The following ATP8A2 variants were observed in gnomAD, a reference collection of about 807,000 sequenced individuals.
The protein encoded by ATP8A2 is phospholipid-transporting ATPase IB.
In ATP8A2, 100 loss-of-function variants were observed where a neutral mutation model predicts 165.6. That is an observed-to-expected ratio of 0.60 (90% CI 0.51 to 0.71). The LOEUF (loss-of-function observed/expected upper bound fraction) is 0.71, where lower values mean the gene tolerates loss of function less well. Ranked by LOEUF, ATP8A2 falls within the 30% of genes least tolerant of loss-of-function variation. The pLI is 0.00. For synonymous variants in ATP8A2, 543 were observed against 548.8 expected (o/e 0.99, Z 0.15); for missense variants, 1,227 against 1,479.5 (o/e 0.83, Z 2.80).
chr13:25,815,577 A>G (rs1252515890), intron 27 of ATP8A2, among the ~76,000 whole-genome samples: 1 of 152,212 alleles, frequency 6.6e-6, no homozygotes, highest in Non-Finnish European at 1.5e-5. Context: ...ACTCTTGTGT[A>G]TTGCTGCTGG....
At chr13:25,482,589 A>G (rs547908616) in intron 2 of ATP8A2, among the ~76,000 whole-genome samples, 1 of 152,262 alleles carries the variant, frequency 6.6e-6, no homozygotes, top group Non-Finnish European at 1.5e-5. Flanking sequence ...TGGAAGAAGA[A>G]GGTGATGTGG....
chr13:25,617,078 T>G (rs561378766), intron 24 of ATP8A2, among the ~76,000 whole-genome samples: 1 of 152,338 alleles, frequency 6.6e-6, no homozygotes, highest in African/African-American at 2.4e-5. Flanking sequence ...ACTGTAAAGT[T>G]TAATTACAGT....
chr13:25,932,677 A>T (rs17082879), intron 33 of ATP8A2, among the ~76,000 whole-genome samples: 5 of 152,206 alleles, frequency 3.3e-5, no homozygotes, highest in Non-Finnish European at 7.3e-5. Context: ...TTATTCAATT[A>T]GGTATGCTTA....
chr13:25,956,101 A>G (rs1955512139), intron 33 of ATP8A2, among the ~76,000 whole-genome samples: 1 of 152,130 alleles, frequency 6.6e-6, no homozygotes, highest in Non-Finnish European at 1.5e-5. Flanking sequence ...CTCTCAATAA[A>G]CTAGGTATTG....
chr13:25,531,092 CCT>C (rs1446274467), intron 4 of ATP8A2, among the ~76,000 whole-genome samples: 2 of 149,456 alleles, frequency 1.3e-5, no homozygotes, highest in African/African-American at 4.9e-5. Flanking sequence ...ATTCCTTTTC[CCT>C]GTCTTTCTTG....
chr13:25,824,339 A>G (rs1951256867), intron 27 of ATP8A2, among the ~76,000 whole-genome samples: 3 of 151,962 alleles, frequency 2.0e-5, no homozygotes, highest in South Asian at 2.1e-4. Context: ...ACCTCTTCCT[A>G]TTTGTCTCTT....
intron 24 of ATP8A2, among the ~76,000 whole-genome samples, chr13:25,641,568 G>A (rs2041522978): frequency 6.6e-6 from 1 of 152,118 alleles, no homozygotes; most frequent in African/African-American, 2.4e-5. Context: ...ACCTCTTCAA[G>A]GAGAACTACA....
chr13:25,661,598 G>T (rs987453282), intron 24 of ATP8A2, among the ~76,000 whole-genome samples: 1 of 152,168 alleles, frequency 6.6e-6, no homozygotes, highest in African/African-American at 2.4e-5. Context: ...ACTTAAGAAG[G>T]ATTAAAACCA....
intron 33 of ATP8A2, among the ~76,000 whole-genome samples, chr13:25,951,930 AG>A (rs1367223475): frequency 6.6e-6 from 1 of 152,202 alleles, no homozygotes; most frequent in Non-Finnish European, 1.5e-5. Context: ...TGCAGGTGAC[AG>A]GGATGTTAAG....
intron 1 of ATP8A2, among the ~76,000 whole-genome samples, chr13:25,420,543 G>A (rs1478239149): frequency 6.6e-6 from 1 of 152,202 alleles, no homozygotes; most frequent in African/African-American, 2.4e-5. Context: ...GGTGATAATT[G>A]AAATGAGCTT....
chr13:25,876,114 A>G (rs920719899), intron 33 of ATP8A2, among the ~76,000 whole-genome samples: 2 of 152,208 alleles, frequency 1.3e-5, no homozygotes, highest in Non-Finnish European at 2.9e-5. Flanking sequence ...CCAGCCTCCA[A>G]TAAATCTGGG....
rs557845971 is a variant in ATP8A2, at chr13:25,726,488, G to C, written c.2384+27143G>C. ...CAGCTCCTAGTAGATGCTGGATTCT[G>C]ATGGCTTTTTAAAAATGATAAATTC... On this transcript the variant is annotated intron_variant, in intron 25 of 36. Transcript: ENST00000381655. 8.5e-5 allele frequency among the ~76,000 whole-genome samples: 13 copies of C among 152,310 alleles called. No individual in the cohort carries two copies. In the South Asian group the frequency reaches 1.7e-3, roughly 19 times the overall value.
intron 24 of ATP8A2, among the ~76,000 whole-genome samples, chr13:25,637,384 C>T (rs762750107): frequency 6.6e-6 from 1 of 152,138 alleles, no homozygotes; most frequent in African/African-American, 2.4e-5. Context: ...ACAGATGGCA[C>T]CTGGAAAATT....
Position 25,381,401 on chromosome 13 carries a change from GAGA to G in ATP8A2, c.76+9119_76+9121del, listed in dbSNP as rs547414625. Among the ~76,000 whole-genome samples, 36 of 152,336 alleles carry G rather than the reference GAGA, an allele frequency of 2.4e-4. No individual in the cohort carries two copies. The East Asian group carries it at 5.8e-3, about 24-fold the overall frequency. ...AAAAATGGAGGAAGTAAATACAAAA[GAGA>G]AGAAGTCTGAATAGATAATGTTCAA... On this transcript the variant is annotated intron_variant, in intron 1 of 36. Transcript: ENST00000381655.
Position 25,961,683 on chromosome 13 carries a change from G to T in ATP8A2, c.3272+20G>T, listed in dbSNP as rs540246083. The T allele has an allele frequency of 6.3e-7, 1 of 1,577,126 alleles. No homozygotes were observed. Among genetic ancestry groups the T allele is most frequent in the South Asian group, 1.1e-5 (1 of 90,254 alleles). On this transcript the variant is annotated intron_variant, in intron 34 of 36. Transcript: ENST00000381655. Reference sequence around the variant, plus strand: ...GAGAGCGTAAGTTTAACAGTGAAGCGGGGACCCTAAGTCTGGCTCATCTGT... The same window carrying T: ...GAGAGCGTAAGTTTAACAGTGAAGCTGGGACCCTAAGTCTGGCTCATCTGT...
intron 33 of ATP8A2, among the ~76,000 whole-genome samples, chr13:25,875,624 G>A (rs1431722795): frequency 6.6e-6 from 1 of 151,856 alleles, no homozygotes; most frequent in African/African-American, 2.4e-5. Flanking sequence ...AGAAGTGTGT[G>A]CAAAAAGTCA....
At chr13:25,544,424 T>A (rs969500611) in intron 10 of ATP8A2, among the ~76,000 whole-genome samples, 28 of 152,128 alleles carry the variant, frequency 1.8e-4, no homozygotes, top group Non-Finnish European at 7.4e-5. Context: ...GATAGTCAGA[T>A]GAAAGAGGTA....
intron 24 of ATP8A2, among the ~76,000 whole-genome samples, chr13:25,608,307 T>C (rs986661192): frequency 6.6e-6 from 1 of 152,228 alleles, no homozygotes; most frequent in Non-Finnish European, 1.5e-5. Flanking sequence ...ATCCAAACCA[T>C]AGCGTGCATA....
At chr13:25,503,637 C>T (rs1302863801) in intron 2 of ATP8A2, among the ~76,000 whole-genome samples, 1 of 152,160 alleles carries the variant, frequency 6.6e-6, no homozygotes, top group Non-Finnish European at 1.5e-5. Context: ...ATTAAACACT[C>T]TGTATATTTT....
Sources: allele counts gnomAD v4.1 joint callset (sites outside exome capture counted in the v4.1 genomes callset), GRCh38; gene constraint gnomAD v4.1.1; transcripts MANE v1.5; gene names NCBI Gene and HGNC (gene_info 2026-07-23, HGNC 2026-07-21).